RABGAP1L: variants seen among roughly 807,000 people sequenced by gnomAD.
RABGAP1L encodes RAB GTPase activating protein 1 like, also known as rab GTPase-activating protein 1-like.
A neutral mutation model predicts 137.7 loss-of-function variants in RABGAP1L; 63 were observed. That is an observed-to-expected ratio of 0.46 (90% confidence interval 0.37 to 0.56). The LOEUF (loss-of-function observed/expected upper bound fraction) is 0.56. Ranked by LOEUF, RABGAP1L falls within the 20% of genes least tolerant of loss-of-function variation. The pLI is 0.00. For missense variants in RABGAP1L, 1,095 were observed against 1,244.0 expected (o/e 0.88, Z 1.80); for synonymous variants, 431 against 433.7 (o/e 0.99, Z 0.08).
At chr1:174,892,443 A>G (rs1191983791) in intron 19 of RABGAP1L, 11 of 432,828 alleles carry the variant, frequency 2.5e-5, no homozygotes, top group Non-Finnish European at 4.9e-5. Flanking sequence ...GAAATTGTTC[A>G]TCAGCGTTAT....
At chr1:174,849,026 A>T (rs1473963584) in intron 19 of RABGAP1L, among the ~76,000 whole-genome samples, 15 of 152,080 alleles carry the variant, frequency 9.9e-5, no homozygotes, top group South Asian at 2.1e-4. Flanking sequence ...TTGACTCAGA[A>T]AGGGAACTCC....
At chr1:174,882,270 T>C (rs1356299832) in intron 19 of RABGAP1L, among the ~76,000 whole-genome samples, 4 of 152,208 alleles carry the variant, frequency 2.6e-5, no homozygotes, top group African/African-American at 9.6e-5. Context: ...CTTTCTGTAA[T>C]TGGACTTTGT....
chr1:174,320,960 C>G (rs1272280749), intron 11 of RABGAP1L, among the ~76,000 whole-genome samples: 1 of 152,084 alleles, frequency 6.6e-6, no homozygotes, highest in Non-Finnish European at 1.5e-5. Flanking sequence ...TGGAACAGAG[C>G]CATGTTTCTC....
chr1:174,749,907 T>C (rs1354671200), intron 17 of RABGAP1L, among the ~76,000 whole-genome samples: 1 of 152,136 alleles, frequency 6.6e-6, no homozygotes, highest in Non-Finnish European at 1.5e-5. Flanking sequence ...AGATGGAGTC[T>C]CGCTCTGTCA....
At chr1:174,834,269 A>T (rs535764963) in intron 19 of RABGAP1L, among the ~76,000 whole-genome samples, 78 of 152,168 alleles carry the variant, frequency 5.1e-4, no homozygotes, top group African/African-American at 1.7e-3. Flanking sequence ...TCTACTAAAA[A>T]TACAAAATTA....
intron 18 of RABGAP1L, among the ~76,000 whole-genome samples, chr1:174,780,886 C>A (rs1686950432): frequency 1.3e-5 from 2 of 151,158 alleles, no homozygotes; most frequent in Admixed American, 6.6e-5. Flanking sequence ...CATGTCCCTA[C>A]AAAGGACATG....
At chr1:174,962,130 A>G (rs1669175420) in intron 20 of RABGAP1L, among the ~76,000 whole-genome samples, 1 of 151,216 alleles carries the variant, frequency 6.6e-6, no homozygotes, top group African/African-American at 2.4e-5. Context: ...AGCCAGGATC[A>G]CGCCACTGCG....
At chr1:174,228,889 G>A (rs1255721501) in intron 3 of RABGAP1L, among the ~76,000 whole-genome samples, 1 of 152,138 alleles carries the variant, frequency 6.6e-6, no homozygotes, top group East Asian at 1.9e-4. Flanking sequence ...CAGCGGGGAA[G>A]CCAAGCAGAA....
At chr1:174,400,228 A>G (rs1277372113) in intron 13 of RABGAP1L, among the ~76,000 whole-genome samples, 1 of 152,072 alleles carries the variant, frequency 6.6e-6, no homozygotes, top group Non-Finnish European at 1.5e-5. Flanking sequence ...TCTATCTTTT[A>G]TACCTTTTAA....
chr1:174,651,957 T>C (rs980209630), intron 14 of RABGAP1L, among the ~76,000 whole-genome samples: 1 of 152,190 alleles, frequency 6.6e-6, no homozygotes, highest in African/African-American at 2.4e-5. Context: ...TTGGCATGGT[T>C]TTGCAGTGGC....
intron 1 of RABGAP1L, among the ~76,000 whole-genome samples, chr1:174,210,989 G>C (rs1668843990): frequency 6.6e-6 from 1 of 152,128 alleles, no homozygotes; most frequent in Non-Finnish European, 1.5e-5. Flanking sequence ...AATATGTTTG[G>C]TGAAAATATC....
At chr1:174,572,661 G>C (rs762113156) in intron 13 of RABGAP1L, among the ~76,000 whole-genome samples, 1 of 152,108 alleles carries the variant, frequency 6.6e-6, no homozygotes, top group Non-Finnish European at 1.5e-5. Context: ...GACTGCAGGC[G>C]TGAGCCACCC....
chr1:174,403,620 A>G (rs949543438), intron 13 of RABGAP1L, among the ~76,000 whole-genome samples: 1 of 152,156 alleles, frequency 6.6e-6, no homozygotes, highest in Non-Finnish European at 1.5e-5. Context: ...ATGATATTAC[A>G]TCATGAACAA....
intron 7 of RABGAP1L, among the ~76,000 whole-genome samples, chr1:174,265,407 C>T (rs186177018): frequency 1.1e-4 from 16 of 151,406 alleles, no homozygotes; most frequent in Admixed American, 3.3e-4. Context: ...TAGCTAAGTT[C>T]TCATTTTGTA....
At chr1:174,735,266 A>G (rs1184334100) in intron 17 of RABGAP1L, among the ~76,000 whole-genome samples, 4 of 150,204 alleles carry the variant, frequency 2.7e-5, no homozygotes, top group Non-Finnish European at 1.5e-5. Flanking sequence ...GTGAGCCACC[A>G]TGCCCAGCCA....
chr1:174,414,391 T>C (rs1650302336), intron 13 of RABGAP1L, among the ~76,000 whole-genome samples: 1 of 152,168 alleles, frequency 6.6e-6, no homozygotes. Flanking sequence ...TTTCTCAGAT[T>C]AGTCTGCTTT....
intron 13 of RABGAP1L, among the ~76,000 whole-genome samples, chr1:174,460,444 C>G (rs1322224228): frequency 6.6e-6 from 1 of 151,744 alleles, no homozygotes; most frequent in African/African-American, 2.4e-5. Context: ...AGGGCTTTTT[C>G]TAAAGGATTT....
At chr1:174,800,038 A>G in intron 18 of RABGAP1L, 4 of 1,178,636 alleles carry the variant, frequency 3.4e-6, no homozygotes, top group Non-Finnish European at 4.2e-6. Flanking sequence ...TTACACATGT[A>G]TCTGAACTCT....
intron 7 of RABGAP1L, among the ~76,000 whole-genome samples, chr1:174,259,251 C>T (rs984674849): frequency 1.4e-4 from 21 of 152,114 alleles, no homozygotes; most frequent in Admixed American, 1.2e-3. Context: ...ATCCCAGAAT[C>T]CCCAGCATCT....
Sources: allele counts gnomAD v4.1 joint callset (sites outside exome capture counted in the v4.1 genomes callset), GRCh38; gene constraint gnomAD v4.1.1; transcripts MANE v1.5; gene names NCBI Gene and HGNC (gene_info 2026-07-23, HGNC 2026-07-21).